PSPC1: variants seen among roughly 807,000 people sequenced by gnomAD.
PSPC1 encodes paraspeckle protein 1.
Under a neutral mutation model 51.6 loss-of-function variants are expected in PSPC1, and 14 were observed. The observed-to-expected ratio is 0.27, with a 90% CI of 0.18 to 0.42. The LOEUF (loss-of-function observed/expected upper bound fraction) is 0.42, where lower values mean the gene tolerates loss of function less well. Ranked by LOEUF, PSPC1 falls within the 10% of genes least tolerant of loss-of-function variation. The probability of loss-of-function intolerance (pLI) is 1.00; values close to 1 mark genes in which losing one functional copy is unlikely to be tolerated. For synonymous variants in PSPC1, 193 were observed against 231.9 expected (o/e 0.83, Z 1.53); for missense variants, 406 against 701.1 (o/e 0.58, Z 4.75).
At chr13:19,675,799 A>C (rs188190430) in intron 7 of PSPC1, 146 of 152,350 alleles carry the variant, frequency 9.6e-4, no homozygotes, top group African/African-American at 3.5e-3. Flanking sequence ...TTCAATATTA[A>C]GATTGTTGAT....
chr13:19,768,462 A>ACAG (rs1304463251), intron 2 of PSPC1, among the ~76,000 whole-genome samples: 17 of 149,262 alleles, frequency 1.1e-4, no homozygotes, highest in African/African-American at 2.0e-4. Flanking sequence ...CCTGGCTAAC[A>ACAG]TGTGAAACCC....
At chr13:19,779,394 C>T (rs1889623035) in intron 1 of PSPC1, among the ~76,000 whole-genome samples, 1 of 99,404 alleles carries the variant, frequency 1.0e-5, no homozygotes, top group Non-Finnish European at 2.1e-5. Context: ...GGTCAGCCCC[C>T]CGCCCGGCCA....
intron 7 of PSPC1, among the ~76,000 whole-genome samples, chr13:19,676,999 C>T (rs891633701): frequency 3.3e-5 from 5 of 152,162 alleles, no homozygotes; most frequent in African/African-American, 7.2e-5. Flanking sequence ...CTTTGGGAGG[C>T]CGAGGCGGGT....
chr13:19,715,906 C>T (rs978396829), intron 6 of PSPC1, among the ~76,000 whole-genome samples: 2 of 151,832 alleles, frequency 1.3e-5, no homozygotes, highest in African/African-American at 2.4e-5. Context: ...CCCAGCTACT[C>T]GGGAGGCTGA....
intron 6 of PSPC1, among the ~76,000 whole-genome samples, chr13:19,722,353 A>T (rs1882871296): frequency 6.6e-6 from 1 of 151,996 alleles, no homozygotes; most frequent in Non-Finnish European, 1.5e-5. Flanking sequence ...GTTTTTAATT[A>T]GGAGGGGCTG....
intron 1 of PSPC1, among the ~76,000 whole-genome samples, chr13:19,778,355 C>T (rs530830861): frequency 3.6e-5 from 2 of 55,548 alleles, no homozygotes; most frequent in African/African-American, 1.1e-4. Flanking sequence ...ATATTAAGAC[C>T]TCTCCCTCTC....
intron 7 of PSPC1, among the ~76,000 whole-genome samples, chr13:19,709,249 T>TA (rs1268372968): frequency 2.0e-5 from 3 of 151,100 alleles, no homozygotes; most frequent in African/African-American, 7.3e-5. Context: ...ATGCAATGAC[T>TA]AAACTACCTT....
intron 6 of PSPC1, among the ~76,000 whole-genome samples, chr13:19,712,778 T>C (rs866953320): frequency 6.6e-6 from 1 of 152,104 alleles, no homozygotes; most frequent in East Asian, 1.9e-4. Context: ...CTTAGTAATG[T>C]TGACAATATC....
At chr13:19,746,020 T>G (rs1220545204) in intron 4 of PSPC1, among the ~76,000 whole-genome samples, 1 of 150,216 alleles carries the variant, frequency 6.7e-6, no homozygotes, top group African/African-American at 2.4e-5. Flanking sequence ...TTTTTTTTTT[T>G]TTTTGAGACG....
intron 6 of PSPC1, among the ~76,000 whole-genome samples, chr13:19,711,242 G>T (rs189172130): frequency 6.6e-6 from 1 of 152,306 alleles, no homozygotes; most frequent in Admixed American, 6.5e-5. Flanking sequence ...GACTGAGGCG[G>T]GGTGCAGTGG....
chr13:19,737,996 G>A (rs1885026440), intron 5 of PSPC1, among the ~76,000 whole-genome samples: 1 of 152,164 alleles, frequency 6.6e-6, no homozygotes, highest in African/African-American at 2.4e-5. Context: ...GGGAGGCTAA[G>A]GCAGGATTGT....
At chr13:19,678,077 C>T (rs1876868402) in intron 6 of PSPC1, 1 of 292,816 alleles carries the variant, frequency 3.4e-6, no homozygotes, top group Non-Finnish European at 6.7e-6. Context: ...AGTATTAAGT[C>T]CTAAATACCA....
At chr13:19,753,152 G>A (rs1481519351) in intron 3 of PSPC1, among the ~76,000 whole-genome samples, 5 of 151,846 alleles carry the variant, frequency 3.3e-5, no homozygotes, top group East Asian at 3.9e-4. Context: ...GCGTGGTGGC[G>A]GGTGCCTGCG....
intron 2 of PSPC1, 68 bp downstream of exon 2, chr13:19,772,174 A>G: frequency 6.6e-7 from 1 of 1,507,584 alleles, no homozygotes; most frequent in Non-Finnish European, 9.0e-7. Context: ...AATGAAAGAC[A>G]GAATTCCAAA....
chr13:19,676,355 C>A (rs969702397), intron 7 of PSPC1, among the ~76,000 whole-genome samples: 12 of 152,172 alleles, frequency 7.9e-5, no homozygotes, highest in African/African-American at 2.9e-4. Flanking sequence ...CATTCTGAAG[C>A]TCCCAGATGG....
chr13:19,736,936 A>G (rs1032340772), intron 5 of PSPC1: 4 of 151,986 alleles, frequency 2.6e-5, no homozygotes, highest in African/African-American at 9.7e-5. Context: ...GGGTCTTCCT[A>G]TGTTTTTTGT....
chr13:19,725,627 C>A (rs1192482904), intron 6 of PSPC1, among the ~76,000 whole-genome samples: 12 of 151,666 alleles, frequency 7.9e-5, no homozygotes, highest in Admixed American at 2.6e-4. Flanking sequence ...ACAAAACAAA[C>A]AAAAAAAAGT....
chr13:19,709,359 T>C (rs1593586000), intron 7 of PSPC1, among the ~76,000 whole-genome samples, 183 bp downstream of exon 7: 2 of 152,124 alleles, frequency 1.3e-5, no homozygotes, highest in Non-Finnish European at 1.5e-5. Flanking sequence ...GAGAATTTTC[T>C]TCCCAGACAT....
intron 6 of PSPC1, among the ~76,000 whole-genome samples, chr13:19,693,464 C>T (rs929369253): frequency 1.3e-5 from 2 of 152,108 alleles, no homozygotes; most frequent in Non-Finnish European, 2.9e-5. Flanking sequence ...CATTCATTCA[C>T]CAAGCAAATA....
Sources: allele counts gnomAD v4.1 joint callset (sites outside exome capture counted in the v4.1 genomes callset), GRCh38; gene constraint gnomAD v4.1.1; transcripts MANE v1.5; gene names NCBI Gene and HGNC (gene_info 2026-07-23, HGNC 2026-07-21).